SFTPD: variants seen among roughly 807,000 people sequenced by gnomAD.
SFTPD encodes the protein surfactant protein D.
Under a neutral mutation model 34.6 loss-of-function variants are expected in SFTPD, and 18 were observed. That is an observed-to-expected ratio of 0.52 (90% CI 0.36 to 0.77). The LOEUF (loss-of-function observed/expected upper bound fraction) is 0.77. Among genes scored for constraint, SFTPD ranks in the 30% least tolerant of loss-of-function variants. The pLI is 0.00. For missense variants in SFTPD, 433 were observed against 468.9 expected, an observed-to-expected ratio of 0.92 and a Z score of 0.71; for synonymous variants, 155 against 180.9, an observed-to-expected ratio of 0.86 and a Z score of 1.15.
intron 2 of SFTPD, 150 bp downstream of exon 2, chr10:79,946,311 G>T (rs540786321): frequency 1.7e-5 from 11 of 660,564 alleles, no homozygotes; most frequent in East Asian, 1.4e-4. Context: ...CCACTTGTTT[G>T]CCAGCTGGTG....
At chr10:79,938,259 G>C (rs1271404401) in intron 7 of SFTPD, 31 bp from the exon 8 acceptor site, 10 of 1,559,842 alleles carry the variant, frequency 6.4e-6, no homozygotes, top group Non-Finnish European at 8.7e-6. Flanking sequence ...GGTTGGGGTT[G>C]TGGCATCACC....
At chr10:79,941,135 C>A (rs1385308632) in intron 6 of SFTPD, among the ~76,000 whole-genome samples, 2 of 152,204 alleles carry the variant, frequency 1.3e-5, no homozygotes, top group Non-Finnish European at 2.9e-5. Context: ...CCAAAACTGT[C>A]CTATGAATTG....
intron 2 of SFTPD, among the ~76,000 whole-genome samples, chr10:79,945,736 C>T (rs1370440392): frequency 6.6e-6 from 1 of 152,166 alleles, no homozygotes; most frequent in Admixed American, 6.5e-5. Flanking sequence ...GATATCATTC[C>T]CATTACCAGA....
chr10:79,978,045 C>A (rs931460619), intron 1 of SFTPD, among the ~76,000 whole-genome samples: 19 of 152,084 alleles, frequency 1.2e-4, no homozygotes, highest in Non-Finnish European at 8.8e-5. Flanking sequence ...GTCTGTTTAC[C>A]TTTTCTTTAA....
At chr10:79,976,781 C>T (rs1436445856) in intron 1 of SFTPD, among the ~76,000 whole-genome samples, 1 of 152,156 alleles carries the variant, frequency 6.6e-6, no homozygotes, top group Non-Finnish European at 1.5e-5. Flanking sequence ...TATGGTTTGG[C>T]TGTGTCCCCA....
intron 1 of SFTPD, among the ~76,000 whole-genome samples, chr10:79,955,813 G>A (rs1842735250): frequency 6.6e-6 from 1 of 152,174 alleles, no homozygotes; most frequent in African/African-American, 2.4e-5. Context: ...ACTTCACTGT[G>A]TAGCTCTATT....
At chr10:79,963,291 C>CA (rs1842785493) in intron 1 of SFTPD, among the ~76,000 whole-genome samples, 1 of 150,930 alleles carries the variant, frequency 6.6e-6, no homozygotes, top group Admixed American at 6.6e-5. Context: ...TTCAAGGCTG[C>CA]AGTGAGCTAT....
chr10:79,971,676 C>T (rs1225873557), intron 1 of SFTPD: 1 of 152,102 alleles, frequency 6.6e-6, no homozygotes, highest in African/African-American at 2.4e-5. Flanking sequence ...ATGACCTCTT[C>T]TATTTCTATG....
chr10:79,957,647 A>G (rs1294477064), intron 1 of SFTPD, among the ~76,000 whole-genome samples: 1 of 152,248 alleles, frequency 6.6e-6, no homozygotes, highest in Non-Finnish European at 1.5e-5. Context: ...ATATGGGACT[A>G]TGTGAAAAGA....
intron 2 of SFTPD, among the ~76,000 whole-genome samples, chr10:79,944,136 G>A (rs1296054097): frequency 6.6e-6 from 1 of 152,154 alleles, no homozygotes; most frequent in Admixed American, 6.5e-5. Context: ...CCAGCCTTTT[G>A]CCTGTTTTGA....
chr10:79,939,202 T>C (rs1337360912), intron 7 of SFTPD, among the ~76,000 whole-genome samples: 1 of 152,238 alleles, frequency 6.6e-6, no homozygotes, highest in Non-Finnish European at 1.5e-5. Flanking sequence ...CAAGTATCTC[T>C]TTTTAGTCTG....
chr10:79,972,205 A>G (rs183318146), intron 1 of SFTPD: 2 of 152,420 alleles, frequency 1.3e-5, no homozygotes, highest in East Asian at 3.9e-4. Context: ...CAGGCACTTT[A>G]AAACACAAAG....
At chr10:79,969,324 A>C (rs549781305) in intron 1 of SFTPD, 67 of 152,282 alleles carry the variant, frequency 4.4e-4, no homozygotes, top group African/African-American at 1.6e-3. Context: ...ATATACAAAA[A>C]TTAGCCTGGC....
At chr10:79,963,059 C>A (rs1842783762) in intron 1 of SFTPD, among the ~76,000 whole-genome samples, 1 of 152,108 alleles carries the variant, frequency 6.6e-6, no homozygotes, top group African/African-American at 2.4e-5. Context: ...AAAAAGATTT[C>A]CAGCTGGGCA....
intron 1 of SFTPD, chr10:79,968,781 A>T (rs1015332904): frequency 6.6e-6 from 1 of 152,194 alleles, no homozygotes; most frequent in African/African-American, 2.4e-5. Context: ...ACTAATTTAC[A>T]TTCCCACCAA....
chr10:79,968,837 ATT>A (rs944704846), intron 1 of SFTPD: 5 of 150,806 alleles, frequency 3.3e-5, no homozygotes, highest in African/African-American at 1.2e-4. Context: ...CCGACATCAT[ATT>A]TTTTTTTCTT....
intron 2 of SFTPD, among the ~76,000 whole-genome samples, chr10:79,945,560 C>A (rs1192180762): frequency 6.6e-6 from 1 of 152,226 alleles, no homozygotes; most frequent in Non-Finnish European, 1.5e-5. Flanking sequence ...CTAGATCTTT[C>A]CCTACAAGCG....
chr10:79,959,419 G>A (rs1171729709), intron 1 of SFTPD, among the ~76,000 whole-genome samples: 16 of 152,122 alleles, frequency 1.1e-4, no homozygotes, highest in Admixed American at 1.0e-3. Flanking sequence ...AAGAAGAAAA[G>A]GGAGAAGAAT....
intron 2 of SFTPD, 65 bp downstream of exon 2, chr10:79,946,396 C>T: frequency 8.1e-7 from 1 of 1,228,158 alleles, no homozygotes; most frequent in Non-Finnish European, 1.2e-6. Context: ...CCCAGAGTTG[C>T]TGGGCTAGTT....
Sources: allele counts gnomAD v4.1 joint callset (sites outside exome capture counted in the v4.1 genomes callset), GRCh38; gene constraint gnomAD v4.1.1; transcripts MANE v1.5; gene names NCBI Gene and HGNC (gene_info 2026-07-23, HGNC 2026-07-21).